The following RALA variants were observed in gnomAD, a reference collection of about 807,000 sequenced individuals.
The protein encoded by RALA is RAS like proto-oncogene A, also known as ras-related protein Ral-A.
RALA carries 5 observed loss-of-function variants against 24.0 expected under a neutral mutation model. The observed-to-expected ratio is 0.21, with a 90% CI of 0.11 to 0.44. The LOEUF is 0.44. RALA is among the 20% of genes least tolerant of loss of function. The pLI, the probability that RALA is intolerant of heterozygous loss-of-function variation, is 0.99. For synonymous variants in RALA, 77 were observed against 83.8 expected (o/e 0.92, Z 0.44); for missense variants, 95 against 241.2 (o/e 0.39, Z 4.01).
At chr7:39,652,926 T>G (rs1792042141) in intron 1 of RALA, among the ~76,000 whole-genome samples, 1 of 151,968 alleles carries the variant, frequency 6.6e-6, no homozygotes, top group Non-Finnish European at 1.5e-5. Flanking sequence ...CCACCATACA[T>G]GGCTAATTTT....
intron 2 of RALA, 57 bp from the exon 3 acceptor site, chr7:39,690,325 C>G: frequency 6.9e-7 from 1 of 1,449,848 alleles, no homozygotes; most frequent in Admixed American, 1.9e-5. Flanking sequence ...ATAATTATTT[C>G]AAAATAAGTT....
intron 1 of RALA, among the ~76,000 whole-genome samples, chr7:39,664,641 A>G (rs1792253496): frequency 6.6e-6 from 1 of 152,192 alleles, no homozygotes; most frequent in Non-Finnish European, 1.5e-5. Context: ...TAGAAGGCTC[A>G]CACCATTGAA....
chr7:39,639,400 A>G (rs181474420), intron 1 of RALA, among the ~76,000 whole-genome samples: 2 of 152,316 alleles, frequency 1.3e-5, no homozygotes, highest in East Asian at 1.9e-4. Context: ...CTGCCACCAC[A>G]GTTAAAAAAG....
At chr7:39,638,234 G>C (rs1032736934) in intron 1 of RALA, among the ~76,000 whole-genome samples, 51 of 152,274 alleles carry the variant, frequency 3.3e-4, no homozygotes, top group African/African-American at 1.1e-3. Context: ...GAGTAGCTGG[G>C]ATTACAGGAG....
chr7:39,701,716 C>A (rs1793030550), intron 4 of RALA, among the ~76,000 whole-genome samples: 1 of 152,068 alleles, frequency 6.6e-6, no homozygotes, highest in Admixed American at 6.5e-5. Context: ...ATCTGGAGTC[C>A]AAATAGACCA....
intron 1 of RALA, among the ~76,000 whole-genome samples, chr7:39,662,550 G>A (rs1583726260): frequency 6.6e-6 from 1 of 152,204 alleles, no homozygotes; most frequent in Middle Eastern, 3.4e-3. Context: ...CTAGTTCAGG[G>A]GCAAAATTCT....
chr7:39,679,509 A>G lies in RALA; in HGVS notation c.-37-7122A>G, dbSNP rs186834461. 4.4e-3 allele frequency among the ~76,000 whole-genome samples: 673 copies of G among 152,178 alleles called. 8 individuals are homozygous for G. Among genetic ancestry groups the G allele is most frequent in the Middle Eastern group, 0.017 (5 of 294 alleles). ...AGGTCAAGTATACTGAGTCATTTGT[A>G]TATCCTTTTCTGTGACTATTCATAT... On this transcript the variant is annotated intron_variant, in intron 1 of 4. Transcript: ENST00000005257.
intron 1 of RALA, among the ~76,000 whole-genome samples, chr7:39,653,776 A>C (rs113638141): frequency 2.7e-4 from 41 of 152,306 alleles, no homozygotes; most frequent in African/African-American, 9.6e-4. Context: ...TTGTACTTCC[A>C]GGTGATAAAA....
chr7:39,684,865 A>G (rs17171612), intron 1 of RALA, among the ~76,000 whole-genome samples: 37,727 of 152,098 alleles, frequency 0.25, 5,848 homozygotes, highest in African/African-American at 0.41. Flanking sequence ...TCAGACTGCA[A>G]ACATTTGTGT....
chr7:39,629,889 C>T (rs1434953943), intron 1 of RALA, among the ~76,000 whole-genome samples: 1 of 152,162 alleles, frequency 6.6e-6, no homozygotes, highest in African/African-American at 2.4e-5. Flanking sequence ...GCCACCGTGC[C>T]TGACCCTAAT....
At chr7:39,655,155 A>G in intron 1 of RALA, among the ~76,000 whole-genome samples, 1 of 152,248 alleles carries the variant, frequency 6.6e-6, no homozygotes, top group African/African-American at 2.4e-5. Flanking sequence ...CTTTGTCAGC[A>G]GATGCTGAAA....
intron 1 of RALA, among the ~76,000 whole-genome samples, chr7:39,682,236 G>A (rs1172085434): frequency 6.6e-6 from 1 of 152,232 alleles, no homozygotes; most frequent in Non-Finnish European, 1.5e-5. Context: ...CACTTAGTGA[G>A]TGGTCAGTAA....
intron 1 of RALA, among the ~76,000 whole-genome samples, chr7:39,668,603 G>A (rs1792324562): frequency 6.6e-6 from 1 of 151,784 alleles, no homozygotes; most frequent in Non-Finnish European, 1.5e-5. Flanking sequence ...GTTGAGACCA[G>A]CTTGACCAAC....
intron 1 of RALA, chr7:39,624,310 GTTT>G (rs35116603): frequency 2.9e-5 from 4 of 138,372 alleles, no homozygotes; most frequent in South Asian, 2.2e-4. Flanking sequence ...GTTTGTTTGT[GTTT>G]TTTTTTTTTT....
chr7:39,646,771 T>C (rs1791931327), intron 1 of RALA, among the ~76,000 whole-genome samples: 1 of 152,208 alleles, frequency 6.6e-6, no homozygotes, highest in Non-Finnish European at 1.5e-5. Context: ...AATGTTTTTT[T>C]GGTCCTGCAT....
Position 39,706,380 on chromosome 7 carries a change from G to A in RALA, c.*135G>A. ...TGTATATCACTAAAAGCATGAATTG[G>A]AACTGCAATGAAAGTCAAATTTACT... On this transcript the variant is annotated 3_prime_UTR_variant, in exon 5 of 5. Coordinates refer to ENST00000005257, the MANE Select transcript of RALA (RefSeq NM_005402.4). The A allele has an allele frequency of 2.2e-6, 2 of 918,354 alleles. No individual in the cohort carries two copies. Among genetic ancestry groups the A allele is most frequent in the East Asian group, 2.8e-5 (1 of 36,354 alleles). The allele number at this position is 918,354 out of a possible 1,614,324, so 56.9% of individuals were successfully genotyped here. A position where few individuals can be genotyped will look rare whatever the true frequency, so the allele number is the denominator to read the frequency against.
At chr7:39,650,101 G>T (rs1384148202) in intron 1 of RALA, among the ~76,000 whole-genome samples, 1 of 152,160 alleles carries the variant, frequency 6.6e-6, no homozygotes, top group Non-Finnish European at 1.5e-5. Flanking sequence ...TTTGAATCCA[G>T]TAGAGAGGAA....
In RALA at chr7:39,690,349, A is replaced by T. The variant is rs200384077; in HGVS notation, c.115-33A>T. ...TCAAAATAAGTTTTGAAACGTAATA[A>T]TTAAAAAATTGGTGTGTTTTTATCT... On this transcript the variant is annotated intron_variant, in intron 2 of 4. Coordinates refer to ENST00000005257, the MANE Select transcript of RALA (RefSeq NM_005402.4). 4.5e-6 allele frequency: 7 copies of T among 1,547,378 alleles called. No homozygotes were observed. In the Admixed American group the frequency reaches 1.3e-4, roughly 29 times the overall value.
At chr7:39,681,009 C>T (rs1317464427) in intron 1 of RALA, among the ~76,000 whole-genome samples, 1 of 152,172 alleles carries the variant, frequency 6.6e-6, no homozygotes, top group East Asian at 1.9e-4. Flanking sequence ...TGTCTTACCT[C>T]CCATTACAAA....
Sources: gnomAD v4.1 joint callset for allele counts (sites outside exome capture counted in the v4.1 genomes callset) on GRCh38, gnomAD v4.1.1 for gene constraint, MANE v1.5 for transcripts, NCBI Gene and HGNC (gene_info 2026-07-23, HGNC 2026-07-21) for gene names.